The following OPRM1 variants were observed in gnomAD, a reference collection of about 807,000 sequenced individuals.
OPRM1 encodes opioid receptor mu 1.
In OPRM1, 27 loss-of-function variants were observed where a neutral mutation model predicts 31.8. The ratio of observed to expected loss-of-function variants is 0.85; its 90% CI spans 0.63 to 1.17. The LOEUF is 1.17. Ranked by LOEUF, OPRM1 falls within the 50% of genes most tolerant of loss-of-function variation. The pLI, the probability that OPRM1 is intolerant of heterozygous loss-of-function variation, is 0.00. For missense variants in OPRM1, 536 were observed against 511.1 expected (o/e 1.05, Z -0.47); for synonymous variants, 196 against 189.9 (o/e 1.03, Z -0.26).
intron 3 of OPRM1, among the ~76,000 whole-genome samples, chr6:154,186,511 C>T (rs1801361147): frequency 6.6e-6 from 1 of 152,186 alleles, no homozygotes; most frequent in African/African-American, 2.4e-5. Flanking sequence ...TTCGCAGATG[C>T]TCCCTCATGT....
intron 1 of OPRM1, among the ~76,000 whole-genome samples, chr6:154,062,825 A>G (rs1784665993): frequency 6.6e-6 from 1 of 152,080 alleles, no homozygotes; most frequent in Non-Finnish European, 1.5e-5. Flanking sequence ...AGGTACTAAG[A>G]CACACTAAAA....
At chr6:154,109,440 T>C (rs1332739049) in intron 3 of OPRM1, among the ~76,000 whole-genome samples, 1 of 152,222 alleles carries the variant, frequency 6.6e-6, no homozygotes, top group Non-Finnish European at 1.5e-5. Flanking sequence ...TTTTCTAAGC[T>C]GTGAGTTATA....
At chr6:154,200,053 A>G (rs756419975) in intron 3 of OPRM1, 1 of 1,571,352 alleles carries the variant, frequency 6.4e-7, no homozygotes, top group East Asian at 2.3e-5. Flanking sequence ...ATTTTTCACA[A>G]ATAAAACCAA....
At chr6:154,160,018 A>G in intron 3 of OPRM1, 1 of 1,611,986 alleles carries the variant, frequency 6.2e-7, no homozygotes, top group Non-Finnish European at 8.5e-7. Flanking sequence ...CTGGTTAATC[A>G]TGGCCAGATC....
chr6:154,145,611 T>G (rs187209199), intron 3 of OPRM1, among the ~76,000 whole-genome samples: 4 of 152,370 alleles, frequency 2.6e-5, no homozygotes, highest in Admixed American at 2.6e-4. Context: ...GCAATGGGTT[T>G]TGTAGATGTA....
chr6:154,152,170 C>CAA lies in OPRM1; in HGVS notation c.1164+60709_1164+60710dup, dbSNP rs11404098. On this transcript the variant is annotated intron_variant, in intron 3 of 3. Coordinates refer to the OPRM1 transcript ENST00000337049. ...CCAGCCAACAGTGAGACTTTGAAAA[C>CAA]AAAAAAAAAAAAGAAAGAGAGAGAG... Among the ~76,000 whole-genome samples the CAA allele has an allele frequency of 2.0e-3, 211 of 107,024 alleles. 1 individual carries two copies. The highest frequency in any genetic ancestry group is 4.3e-3 in the Middle Eastern group (1 of 234). The allele number at this position is 107,024 out of a possible 152,430, so 70.2% of individuals were successfully genotyped here.
At chr6:154,136,139 A>G (rs1198306027), downstream of OPRM1, among the ~76,000 whole-genome samples, 2 of 152,174 alleles carry the variant, frequency 1.3e-5, no homozygotes, top group African/African-American at 4.8e-5. Flanking sequence ...ATGGCTGAAT[A>G]TGAATTTGTT....
At chr6:154,237,727 C>A (rs1224727143) in intron 3 of OPRM1, among the ~76,000 whole-genome samples, 1 of 152,118 alleles carries the variant, frequency 6.6e-6, no homozygotes, top group Non-Finnish European at 1.5e-5. Context: ...GTCCCTTATA[C>A]CATGCTGCCG....
intron 3 of OPRM1, among the ~76,000 whole-genome samples, chr6:154,107,280 T>C (rs1271373466): frequency 2.0e-5 from 3 of 152,232 alleles, no homozygotes; most frequent in Non-Finnish European, 4.4e-5. Context: ...ATTTTAACCA[T>C]AGCACTCTTT....
chr6:154,243,547 AGGCAAT>A (rs1362220937), intron 3 of OPRM1, among the ~76,000 whole-genome samples: 1 of 152,228 alleles, frequency 6.6e-6, no homozygotes, highest in Admixed American at 6.5e-5. Context: ...AGGCAGTGTC[AGGCAAT>A]GACGGAGAGA....
At chr6:154,192,397 A>G (rs1313163515) in intron 3 of OPRM1, among the ~76,000 whole-genome samples, 1 of 151,698 alleles carries the variant, frequency 6.6e-6, no homozygotes, top group African/African-American at 2.4e-5. Context: ...TAGAGAGAGA[A>G]CACTCTTCTA....
At chr6:154,152,213 G>T (rs1387664664) in intron 3 of OPRM1, among the ~76,000 whole-genome samples, 1 of 131,892 alleles carries the variant, frequency 7.6e-6, no homozygotes, top group Non-Finnish European at 1.7e-5. Context: ...AAGAAAGAAG[G>T]AAGAAAGAAC....
At position 154,118,970 on chromosome 6, in the gene OPRM1, A is replaced by G; in HGVS notation, c.*249A>G. The G allele has an allele frequency of 8.0e-7, 1 of 1,247,724 alleles. No individual in the cohort carries two copies. The highest frequency in any genetic ancestry group is 1.0e-6 in the Non-Finnish European group (1 of 994,728). 77.3% of individuals were successfully genotyped at this position (1,247,724 alleles called of 1,614,324 possible). ...CCAGTTTGTGCAAGACACCCAGTGG[A>G]ACCAAAACCCATCGTGGTATGTGAA... On this transcript the variant is annotated 3_prime_UTR_variant, in exon 4 of 4. Coordinates refer to ENST00000330432, the MANE Select transcript of OPRM1 (RefSeq NM_000914.5).
chr6:154,097,510 A>G (rs1036988478), intron 3 of OPRM1, among the ~76,000 whole-genome samples: 1 of 152,184 alleles, frequency 6.6e-6, no homozygotes, highest in Non-Finnish European at 1.5e-5. Context: ...AGCAGTGGAC[A>G]ACATTAATGC....
chr6:154,134,416 G>A (rs988680582), downstream of OPRM1, among the ~76,000 whole-genome samples: 14 of 152,148 alleles, frequency 9.2e-5, no homozygotes, highest in Non-Finnish European at 1.5e-4. Context: ...CTCTGAAATG[G>A]TTTATGTCTG....
chr6:154,144,092 A>C (rs914726963), intron 3 of OPRM1, among the ~76,000 whole-genome samples: 2 of 152,252 alleles, frequency 1.3e-5, no homozygotes, highest in African/African-American at 4.8e-5. Flanking sequence ...CCAATTCCCC[A>C]AAAATCACAA....
intron 1 of OPRM1, among the ~76,000 whole-genome samples, chr6:154,023,219 A>G (rs1001092630): frequency 8.5e-4 from 127 of 150,100 alleles, no homozygotes; most frequent in African/African-American, 3.0e-3. Context: ...GTCCTTTTAC[A>G]TTTCTTTTAT....
intron 1 of OPRM1, among the ~76,000 whole-genome samples, chr6:154,024,858 C>G (rs2128384096): frequency 6.6e-6 from 1 of 152,020 alleles, no homozygotes; most frequent in East Asian, 1.9e-4. Context: ...TTCCAAAATT[C>G]CTCTTGATAT....
chr6:154,244,851 A>T (rs1447704176), intron 3 of OPRM1, among the ~76,000 whole-genome samples: 1 of 152,218 alleles, frequency 6.6e-6, no homozygotes, highest in Non-Finnish European at 1.5e-5. Flanking sequence ...TACTTCCCAC[A>T]GACATGCCAA....
Sources: gnomAD v4.1 joint callset for allele counts (sites outside exome capture counted in the v4.1 genomes callset) on GRCh38, gnomAD v4.1.1 for gene constraint, MANE v1.5 for transcripts, NCBI Gene and HGNC (gene_info 2026-07-23, HGNC 2026-07-21) for gene names.